HOMER2: variants seen among roughly 807,000 people sequenced by gnomAD.
HOMER2 encodes the protein homer scaffold protein 2.
In HOMER2, 27 loss-of-function variants were observed where a neutral mutation model predicts 47.0. That is an observed-to-expected ratio of 0.57 (90% CI 0.42 to 0.79). The LOEUF (loss-of-function observed/expected upper bound fraction) is 0.79. HOMER2 is among the 30% of genes least tolerant of loss of function. The pLI is 0.00. For synonymous variants in HOMER2, 161 were observed against 163.8 expected (o/e 0.98, Z 0.13); for missense variants, 443 against 435.0 (o/e 1.02, Z -0.16).
intron 6 of HOMER2, among the ~76,000 whole-genome samples, chr15:82,853,569 C>G (rs1895488854): frequency 6.6e-6 from 1 of 152,200 alleles, no homozygotes; most frequent in African/African-American, 2.4e-5. Context: ...GAACACCAAT[C>G]TAAATGGGAC....
chr15:82,916,969 T>G (rs2053608506), intron 1 of HOMER2, among the ~76,000 whole-genome samples: 1 of 152,162 alleles, frequency 6.6e-6, no homozygotes, highest in Admixed American at 6.5e-5. Flanking sequence ...GTCCAGCTAA[T>G]TTTTGTATTT....
At chr15:82,893,326 TATC>T (rs1252185302) in intron 1 of HOMER2, among the ~76,000 whole-genome samples, 1 of 144,922 alleles carries the variant, frequency 6.9e-6, no homozygotes. Flanking sequence ...GACATAATTT[TATC>T]TTTTTTTTTT....
chr15:82,864,751 T>C (rs1214109748), intron 3 of HOMER2, among the ~76,000 whole-genome samples: 1 of 152,236 alleles, frequency 6.6e-6, no homozygotes, highest in Non-Finnish European at 1.5e-5. Context: ...TGGGTGTTCA[T>C]TATACTATGC....
chr15:82,875,252 C>A (rs374698036), intron 3 of HOMER2, 21 bp downstream of exon 3: 2 of 1,611,956 alleles, frequency 1.2e-6, no homozygotes, highest in African/African-American at 2.7e-5. Context: ...ATTTACTGCA[C>A]TGTGGATAGG....
intron 2 of HOMER2, among the ~76,000 whole-genome samples, chr15:82,883,051 G>C (rs1321493556): frequency 2.4e-4 from 8 of 32,662 alleles, no homozygotes; most frequent in African/African-American, 1.1e-3. Flanking sequence ...CCCATCCCCC[G>C]ACCCCACCAC....
At chr15:82,863,294 G>A (rs771581035) in intron 4 of HOMER2, among the ~76,000 whole-genome samples, 1 of 152,124 alleles carries the variant, frequency 6.6e-6, no homozygotes, top group Non-Finnish European at 1.5e-5. Flanking sequence ...CTGCAAGCAA[G>A]CCAACCCTCT....
intron 1 of HOMER2, among the ~76,000 whole-genome samples, chr15:82,904,676 C>T (rs991309651): frequency 3.9e-5 from 6 of 152,148 alleles, no homozygotes; most frequent in Non-Finnish European, 8.8e-5. Flanking sequence ...TCCTGTCCTA[C>T]TTAAGCGGAG....
At chr15:82,863,725 C>T (rs2051869716) in intron 4 of HOMER2, among the ~76,000 whole-genome samples, 3 of 152,200 alleles carry the variant, frequency 2.0e-5, no homozygotes, top group African/African-American at 7.2e-5. Flanking sequence ...AGCCGGATCT[C>T]CTCTGTTAAG....
intron 1 of HOMER2, among the ~76,000 whole-genome samples, chr15:82,947,041 G>A (rs1352452373): frequency 6.6e-6 from 1 of 152,174 alleles, no homozygotes; most frequent in Non-Finnish European, 1.5e-5. Flanking sequence ...CAAAATATAA[G>A]CTCCCCAAGG....
intron 1 of HOMER2, among the ~76,000 whole-genome samples, chr15:82,962,712 T>C (rs563930222): frequency 1.3e-5 from 2 of 152,136 alleles, no homozygotes; most frequent in African/African-American, 4.8e-5. Flanking sequence ...ACATGCCTAG[T>C]TCACTTTTTG....
At chr15:82,971,278 T>C (rs1187479847) in intron 1 of HOMER2, among the ~76,000 whole-genome samples, 2 of 152,256 alleles carry the variant, frequency 1.3e-5, no homozygotes, top group East Asian at 3.9e-4. Context: ...ATGTGCTCCT[T>C]CCTGTAGTCC....
intron 1 of HOMER2, among the ~76,000 whole-genome samples, chr15:82,906,674 T>C (rs1404035820): frequency 6.6e-6 from 1 of 152,134 alleles, no homozygotes; most frequent in Admixed American, 6.5e-5. Flanking sequence ...CCTCAAATGA[T>C]CCGCCCACCT....
At chr15:82,958,004 C>T (rs1351652704), downstream of HOMER2, 2 of 152,032 alleles carry the variant, frequency 1.3e-5, no homozygotes, top group Non-Finnish European at 2.9e-5. Context: ...TGCCCGGCTA[C>T]TTTTTTGTAT....
At position 82,947,214 on chromosome 15, in the gene HOMER2, A is replaced by G. The variant is rs146333345; in HGVS notation, c.5+5317T>C. 5.9e-5 allele frequency among the ~76,000 whole-genome samples: 9 copies of G among 152,340 alleles called. No homozygotes were observed. In the East Asian group the frequency reaches 7.7e-4, roughly 13 times the overall value. ...TCAACATATCTGAAAGACTGTATCTATTGCAGTCAACTCAAACCCCAAAGA... is the reference window on the plus strand; with the variant it reads ...TCAACATATCTGAAAGACTGTATCTGTTGCAGTCAACTCAAACCCCAAAGA... On this transcript the variant is annotated intron_variant, in intron 1 of 8. Transcript: ENST00000450735.
intron 3 of HOMER2, among the ~76,000 whole-genome samples, chr15:82,869,450 CTTTTTTTTTT>C (rs71822678): frequency 1.4e-5 from 1 of 70,240 alleles, no homozygotes; most frequent in East Asian, 5.0e-4. Flanking sequence ...TACTAAACAT[CTTTTTTTTTT>C]TTTTTTTTTT....
intron 1 of HOMER2, among the ~76,000 whole-genome samples, chr15:82,927,899 G>A (rs1274750593): frequency 6.6e-6 from 1 of 151,726 alleles, no homozygotes; most frequent in African/African-American, 2.4e-5. Flanking sequence ...GAAACCGGGA[G>A]GCGGAAGTTG....
intron 2 of HOMER2, among the ~76,000 whole-genome samples, chr15:82,882,880 GCTT>G (rs1205224960): frequency 1.4e-4 from 3 of 21,804 alleles, no homozygotes; most frequent in Non-Finnish European, 3.1e-4. Flanking sequence ...ACCAGCCACT[GCTT>G]TTTTTTTTTT....
intron 3 of HOMER2, among the ~76,000 whole-genome samples, chr15:82,872,492 T>A (rs1393303881): frequency 2.0e-5 from 3 of 152,196 alleles, no homozygotes; most frequent in Non-Finnish European, 4.4e-5. Context: ...CAGAAAAAAT[T>A]CTACCTAAAA....
At chr15:82,920,800 T>C (rs890932514) in intron 1 of HOMER2, among the ~76,000 whole-genome samples, 1 of 152,024 alleles carries the variant, frequency 6.6e-6, no homozygotes, top group Non-Finnish European at 1.5e-5. Context: ...ATCTGATATA[T>C]CTATGGGAGA....
Sources: gnomAD v4.1 joint callset for allele counts (sites outside exome capture counted in the v4.1 genomes callset) on GRCh38, gnomAD v4.1.1 for gene constraint, MANE v1.5 for transcripts, NCBI Gene and HGNC (gene_info 2026-07-23, HGNC 2026-07-21) for gene names.